The following PCNX1 variants were observed in gnomAD, a reference collection of about 807,000 sequenced individuals.
PCNX1 encodes the protein pecanex-like protein 1.
Under a neutral mutation model 242.2 loss-of-function variants are expected in PCNX1, and 78 were observed. The ratio of observed to expected loss-of-function variants is 0.32; its 90% CI spans 0.27 to 0.39. The LOEUF (loss-of-function observed/expected upper bound fraction) is 0.39, where lower values mean the gene tolerates loss of function less well. Ranked by LOEUF, PCNX1 falls within the 10% of genes least tolerant of loss-of-function variation. The pLI is 1.00. For synonymous variants in PCNX1, 1,024 were observed against 1,032.9 expected, an observed-to-expected ratio of 0.99 and a Z score of 0.17; for missense variants, 2,581 against 2,856.5, an observed-to-expected ratio of 0.90 and a Z score of 2.20.
At chr14:71,014,940 T>C (rs1035745328) in intron 11 of PCNX1, among the ~76,000 whole-genome samples, 1 of 151,904 alleles carries the variant, frequency 6.6e-6, no homozygotes, top group Admixed American at 6.6e-5. Flanking sequence ...TCAAAACCAG[T>C]GATAAAATTG....
At chr14:70,948,134 C>T (rs534436591) in intron 2 of PCNX1, among the ~76,000 whole-genome samples, 34 of 152,268 alleles carry the variant, frequency 2.2e-4, no homozygotes, top group African/African-American at 5.8e-4. Context: ...ATTCTAATTT[C>T]GCCCTGGCAT....
chr14:71,025,228 G>A (rs1027924194), intron 13 of PCNX1, among the ~76,000 whole-genome samples: 2 of 152,154 alleles, frequency 1.3e-5, no homozygotes, highest in Non-Finnish European at 2.9e-5. Flanking sequence ...GGACTATAAT[G>A]TTACTAATAG....
chr14:71,105,095 C>G, intron 32 of PCNX1, 140 bp from the exon 33 acceptor site: 2 of 648,806 alleles, frequency 3.1e-6, no homozygotes, highest in Non-Finnish European at 5.4e-6. Flanking sequence ...TTTTTTTGTT[C>G]CTAATATTGA....
intron 9 of PCNX1, among the ~76,000 whole-genome samples, chr14:71,010,702 C>T (rs2059799250): frequency 6.6e-6 from 1 of 151,854 alleles, no homozygotes. Context: ...GTTTTCTTTC[C>T]CCTCAAGAGT....
At position 70,907,837 on chromosome 14, in the gene PCNX1, G is replaced by A; in HGVS notation, c.-14G>A. The stretch of plus-strand genomic sequence containing the variant: ...CGGCGGCGGCGGCGGCGACGGCGGC[G>A]GCGCCGGGTGGGGATGGGGTCGCAG... On this transcript the variant is annotated 5_prime_UTR_variant, in exon 1 of 36. Transcript: ENST00000304743. 1 of 1,281,972 alleles carries A rather than the reference G, an allele frequency of 7.8e-7. No homozygotes were observed. The highest frequency in any genetic ancestry group is 1.5e-5 in the African/African-American group (1 of 64,748). 79.4% of individuals were successfully genotyped at this position (1,281,972 alleles called of 1,614,324 possible).
chr14:70,978,709 G>C, intron 6 of PCNX1, 61 bp downstream of exon 6: 1 of 1,365,016 alleles, frequency 7.3e-7, no homozygotes, highest in South Asian at 1.4e-5. Context: ...CTATTAATTA[G>C]AGTAGTACTT....
At chr14:70,926,831 A>T (rs2056612635) in intron 1 of PCNX1, among the ~76,000 whole-genome samples, 1 of 152,242 alleles carries the variant, frequency 6.6e-6, no homozygotes, top group African/African-American at 2.4e-5. Flanking sequence ...TGTATCTGGT[A>T]TTAAAATTTC....
intron 1 of PCNX1, among the ~76,000 whole-genome samples, chr14:70,935,560 T>G (rs1263927223): frequency 6.6e-6 from 1 of 152,222 alleles, no homozygotes; most frequent in Non-Finnish European, 1.5e-5. Flanking sequence ...TGTAGACCAT[T>G]CAGTGTTAAG....
chr14:71,048,999 T>G, intron 22 of PCNX1: 1 of 931,834 alleles, frequency 1.1e-6, no homozygotes, highest in Non-Finnish European at 1.3e-6. Context: ...GTGAGTATGG[T>G]TATTAACCAA....
At chr14:70,962,173 C>A in intron 2 of PCNX1, 53 bp from the exon 3 acceptor site, 1 of 1,060,372 alleles carries the variant, frequency 9.4e-7, no homozygotes, top group Non-Finnish European at 1.5e-6. Context: ...AAAGGAAAAG[C>A]ATTGGAGTCA....
chr14:70,977,819 C>T lies in PCNX1; in HGVS notation c.1482C>T (p.Pro494=). 6 of 1,614,078 alleles carry T rather than the reference C, an allele frequency of 3.7e-6. No homozygotes were observed. Among genetic ancestry groups the T allele is most frequent in the Non-Finnish European group, 5.1e-6 (6 of 1,180,022 alleles). The part of the protein sequence containing the change: ...TSASEEANKN[P]HANEFTSQGD... ...CATCTGAAGAAGCCAATAAAAATCC[C>T]CATGCAAATGAATTTACTTCCCAAG... Residue 494 remains proline (P), a synonymous_variant, in exon 6 of 36, where the codon CCC becomes CCT. Transcript: ENST00000304743.
At chr14:71,039,583 A>G (rs1040909294) in intron 19 of PCNX1, among the ~76,000 whole-genome samples, 1 of 152,202 alleles carries the variant, frequency 6.6e-6, no homozygotes, top group African/African-American at 2.4e-5. Flanking sequence ...TGTTGTGCAC[A>G]TAGACTAACC....
chr14:71,064,468 T>C (rs970185242), intron 26 of PCNX1, among the ~76,000 whole-genome samples: 24 of 152,160 alleles, frequency 1.6e-4, no homozygotes, highest in African/African-American at 5.1e-4. Flanking sequence ...CCTCTTGCCA[T>C]GTATGATTTC....
intron 1 of PCNX1, among the ~76,000 whole-genome samples, chr14:70,935,702 G>A (rs2056974610): frequency 6.6e-6 from 1 of 152,174 alleles, no homozygotes; most frequent in Non-Finnish European, 1.5e-5. Context: ...TTATCTTAAT[G>A]TGGACTACAG....
intron 22 of PCNX1, among the ~76,000 whole-genome samples, chr14:71,048,440 C>A (rs1464146316): frequency 6.6e-6 from 1 of 152,140 alleles, no homozygotes; most frequent in Non-Finnish European, 1.5e-5. Flanking sequence ...TGCTAAAATT[C>A]ATTATCCACC....
intron 24 of PCNX1, chr14:71,053,157 T>G (rs2061085164): frequency 4.9e-6 from 2 of 408,712 alleles, no homozygotes; most frequent in Non-Finnish European, 9.4e-6. Flanking sequence ...TTTGGTGAAT[T>G]TTGGTGTTAT....
intron 30 of PCNX1, among the ~76,000 whole-genome samples, chr14:71,101,555 A>T (rs1391269858): frequency 1.3e-5 from 2 of 152,158 alleles, no homozygotes; most frequent in Non-Finnish European, 2.9e-5. Context: ...ATATATTAGA[A>T]CCCATTTTAG....
At chr14:71,076,144 T>C (rs759430687) in intron 27 of PCNX1, 45 bp from the exon 28 acceptor site, 33 of 1,162,140 alleles carry the variant, frequency 2.8e-5, no homozygotes, top group Non-Finnish European at 1.9e-5. Flanking sequence ...TAATTGAAAT[T>C]GTAATTTAAT....
At chr14:70,929,328 G>A (rs2056705622) in intron 1 of PCNX1, among the ~76,000 whole-genome samples, 1 of 151,782 alleles carries the variant, frequency 6.6e-6, no homozygotes, top group South Asian at 2.1e-4. Flanking sequence ...TGATTATTAG[G>A]CTAGGTGCCC....
Sources: gnomAD v4.1 joint callset for allele counts (sites outside exome capture counted in the v4.1 genomes callset) on GRCh38, gnomAD v4.1.1 for gene constraint, MANE v1.5 for transcripts, NCBI Gene and HGNC (gene_info 2026-07-23, HGNC 2026-07-21) for gene names.